The following TMPRSS2 variants were observed in gnomAD, a reference collection of about 807,000 sequenced individuals.
TMPRSS2 encodes the protein transmembrane serine protease 2.
Under a neutral mutation model 67.4 loss-of-function variants are expected in TMPRSS2, and 59 were observed. That is an observed-to-expected ratio of 0.88 (90% CI 0.71 to 1.09). The LOEUF (loss-of-function observed/expected upper bound fraction) is 1.09, where lower values mean the gene tolerates loss of function less well. TMPRSS2 is among the 50% of genes least tolerant of loss of function. The pLI is 0.00. For missense variants in TMPRSS2, 668 were observed against 642.7 expected (o/e 1.04, Z -0.43); for synonymous variants, 257 against 257.0 (o/e 1.00, Z 0.00).
Position 41,466,046 on chromosome 21 carries a change from C to G in TMPRSS2, c.*96G>C. ...CACTGTTTAATAAAAATGAAGTGAC[C>G]TCTGAATCATCTCTAAGAGTAAATC... On this transcript the variant is annotated 3_prime_UTR_variant, in exon 14 of 14. Coordinates refer to ENST00000332149, the MANE Select transcript of TMPRSS2 (RefSeq NM_005656.4). 1 of 1,458,842 alleles carries G rather than the reference C, an allele frequency of 6.9e-7. No homozygotes were observed. The highest frequency in any genetic ancestry group is 9.5e-7 in the Non-Finnish European group (1 of 1,048,226). 90.4% of individuals were successfully genotyped at this position (1,458,842 alleles called of 1,614,324 possible).
rs1330117456 is a variant in TMPRSS2 at position 41,468,410 on chromosome 21, C to G, written c.1300G>C (p.Val434Leu). The G allele has an allele frequency of 1.2e-6, 2 of 1,614,124 alleles. No homozygotes were observed. Among genetic ancestry groups the G allele is most frequent in the Non-Finnish European group, 1.7e-6 (2 of 1,180,014 alleles). The change falls in exon 12 of 14, where the codon GTC becomes CTC. Residue 434 changes from valine (V) to leucine (L), a missense_variant. Transcript: ENST00000332149. ...MICAGFLQGN[V>L]DSCQGDSGGP... ...TGTTGAATTACCTGGCAAGAATCGA[C>G]GTTCCCCTGCAGGAAGCCGGCACAG... is the stretch of plus-strand genomic sequence containing the variant.
In TMPRSS2 at chr21:41,468,390, A is replaced by G; in HGVS notation, c.1314+6T>C. ...GACCAAAGGTAGAATAAAAATGTTG[A>G]ATTACCTGGCAAGAATCGACGTTCC... On this transcript the variant is annotated splice_donor_region_variant and intron_variant, in intron 12 of 13. Transcript: ENST00000332149. The G allele has an allele frequency of 1.2e-6, 2 of 1,613,968 alleles. No homozygotes were observed. Among genetic ancestry groups the G allele is most frequent in the Non-Finnish European group, 1.7e-6 (2 of 1,179,980 alleles).
intron 8 of TMPRSS2, among the ~76,000 whole-genome samples, chr21:41,475,957 G>A (rs2091209216): frequency 6.6e-6 from 1 of 151,990 alleles, no homozygotes; most frequent in African/African-American, 2.4e-5. Flanking sequence ...GAAAAGCTGA[G>A]CTCAGGACCA....
chr21:41,489,902 C>T (rs1242845214), intron 3 of TMPRSS2, among the ~76,000 whole-genome samples: 2 of 152,066 alleles, frequency 1.3e-5, no homozygotes, highest in African/African-American at 4.8e-5. Flanking sequence ...AATCCTAACA[C>T]TTTGAGAGGC....
chr21:41,472,760 C>T (rs942731513), intron 9 of TMPRSS2, among the ~76,000 whole-genome samples: 7 of 152,156 alleles, frequency 4.6e-5, no homozygotes, highest in Admixed American at 1.3e-4. Context: ...AAAATACATC[C>T]GCCAAGTGAG....
intron 1 of TMPRSS2, chr21:41,502,423 TG>T: frequency 2.0e-6 from 2 of 985,390 alleles, no homozygotes; most frequent in Non-Finnish European, 2.4e-6. Context: ...AGCCCCCACC[TG>T]TGACTGGTAC....
intron 2 of TMPRSS2, among the ~76,000 whole-genome samples, chr21:41,497,472 T>C (rs1399161268): frequency 6.6e-6 from 1 of 152,208 alleles, no homozygotes; most frequent in Non-Finnish European, 1.5e-5. Context: ...GGTTTGTCCC[T>C]GAAAATTCCT....
intron 3 of TMPRSS2, among the ~76,000 whole-genome samples, chr21:41,493,834 C>T (rs983057431): frequency 5.3e-5 from 8 of 152,232 alleles, no homozygotes; most frequent in East Asian, 1.9e-4. Context: ...TGGCCTGCTC[C>T]GGCCACCCGC....
chr21:41,494,433 G>C lies in TMPRSS2; in HGVS notation c.161C>G (p.Pro54Arg), dbSNP rs766068032. 1.2e-6 allele frequency: 2 copies of C among 1,613,032 alleles called. No homozygotes were observed. The highest frequency in any genetic ancestry group is 2.2e-5 in the East Asian group (1 of 44,862). ...GTTGGAAGCCTGCGTCAGGACCCTCGGGGCGTACTGGGGCACGGGGGACGG... is the reference window on the plus strand; with the variant it reads ...GTTGGAAGCCTGCGTCAGGACCCTCCGGGCGTACTGGGGCACGGGGGACGG... Reference protein sequence around the residue: ...YYPSPVPQYAPRVLTQASNPV... With the variant: ...YYPSPVPQYARRVLTQASNPV... The change falls in exon 3 of 14, where the codon CCG (proline) becomes CGG (arginine). Residue 54 changes from proline to arginine, a missense_variant. Pro to Arg is a moderately radical substitution (Grantham distance 103). Transcript: ENST00000332149.
At chr21:41,472,065 G>T (rs1426650953) in intron 9 of TMPRSS2, 84 bp from the exon 10 acceptor site, 2 of 1,358,174 alleles carry the variant, frequency 1.5e-6, no homozygotes, top group East Asian at 2.3e-5. Flanking sequence ...GAAGCTGGAG[G>T]CAAGACACCC....
At chr21:41,491,123 T>C (rs117656646) in intron 3 of TMPRSS2, among the ~76,000 whole-genome samples, 1,684 of 151,566 alleles carry the variant, frequency 0.011, 13 homozygotes, top group Non-Finnish European at 0.016. Context: ...TCTGTTTCAG[T>C]TGGGGGTCGG....
intron 2 of TMPRSS2, among the ~76,000 whole-genome samples, chr21:41,496,016 T>C (rs1233223359): frequency 6.6e-6 from 1 of 152,086 alleles, no homozygotes; most frequent in South Asian, 2.1e-4. Context: ...TAAGCCAAAA[T>C]CCTGTACTTT....
chr21:41,467,671 CAG>C lies in TMPRSS2; in HGVS notation c.1467+61_1467+62del, dbSNP rs888517328. On this transcript the variant is annotated intron_variant, in intron 13 of 13. Transcript: ENST00000332149. The stretch of plus-strand genomic sequence containing the variant: ...CTTCCAGCAGCAGAACCACGCCTAA[CAG>C]ATGTCTGGCTTTGGCTCGAGGAATC... 67 of 1,588,132 alleles carry C rather than the reference CAG, an allele frequency of 4.2e-5. No homozygotes were observed. The African/African-American group carries it at 8.2e-4, about 19-fold the overall frequency.
chr21:41,475,689 G>A (rs1601570443), intron 8 of TMPRSS2, among the ~76,000 whole-genome samples: 2 of 112,168 alleles, frequency 1.8e-5, no homozygotes, highest in African/African-American at 6.8e-5. Context: ...GTGAGGGGGC[G>A]AGGGGGTGGG....
At chr21:41,470,791 G>GGCC (rs777660572) in intron 10 of TMPRSS2, 48 bp from the exon 11 acceptor site, 1 of 1,524,236 alleles carries the variant, frequency 6.6e-7, no homozygotes, top group East Asian at 2.3e-5. Flanking sequence ...TATCACCTAT[G>GGCC]TCTCCACCTG....
At chr21:41,494,106 T>C (rs1388652381) in intron 3 of TMPRSS2, among the ~76,000 whole-genome samples, 2 of 152,166 alleles carry the variant, frequency 1.3e-5, no homozygotes, top group Non-Finnish European at 2.9e-5. Context: ...CAGGCAAAGC[T>C]GTACAGGAGA....
At chr21:41,503,136 G>A (rs1343172630) in intron 1 of TMPRSS2, among the ~76,000 whole-genome samples, 1 of 152,110 alleles carries the variant, frequency 6.6e-6, no homozygotes, top group African/African-American at 2.4e-5. Context: ...TATATTTTTT[G>A]AGTTCCAAAG....
intron 11 of TMPRSS2, 122 bp from the exon 12 acceptor site, chr21:41,468,660 C>G: frequency 8.7e-7 from 1 of 1,150,728 alleles, no homozygotes; most frequent in Non-Finnish European, 1.2e-6. Context: ...ATTTTCCAGC[C>G]CTGCCCCGGT....
rs937260183 is a variant in TMPRSS2, at chr21:41,472,087, G to C, written c.900-106C>G. Reference sequence around the variant, plus strand: ...GAGGCAAGACACCCAGAGGCAGGATGGTTCACCAAAAACCACACAGGGAGA... The same window carrying C: ...GAGGCAAGACACCCAGAGGCAGGATCGTTCACCAAAAACCACACAGGGAGA... On this transcript the variant is annotated intron_variant, in intron 9 of 13. Transcript: ENST00000332149. The C allele has an allele frequency of 6.0e-6, 7 of 1,172,830 alleles. No homozygotes were observed. In the South Asian group the frequency reaches 1.0e-4, roughly 17 times the overall value. 72.7% of individuals were successfully genotyped at this position (1,172,830 alleles called of 1,614,324 possible).
Sources: allele counts gnomAD v4.1 joint callset (sites outside exome capture counted in the v4.1 genomes callset), GRCh38; gene constraint gnomAD v4.1.1; transcripts MANE v1.5; gene names NCBI Gene and HGNC (gene_info 2026-07-23, HGNC 2026-07-21).